Variants in DROSHA observed in about 807,000 individuals in gnomAD.
DROSHA encodes ribonuclease 3.
DROSHA carries 56 observed loss-of-function variants against 181.9 expected under a neutral mutation model. The ratio of observed to expected loss-of-function variants is 0.31; its 90% confidence interval spans 0.25 to 0.38. The LOEUF is 0.38. DROSHA is among the 10% of genes least tolerant of loss of function. The pLI is 1.00. For synonymous variants in DROSHA, 524 were observed against 591.2 expected, an observed-to-expected ratio of 0.89 and a Z score of 1.65; for missense variants, 1,218 against 1,743.5, an observed-to-expected ratio of 0.70 and a Z score of 5.37.
At chr5:31,430,789 T>A (rs1379781152) in intron 26 of DROSHA, among the ~76,000 whole-genome samples, 3 of 152,168 alleles carry the variant, frequency 2.0e-5, no homozygotes, top group African/African-American at 7.2e-5. Context: ...CTTCCCACTA[T>A]CATCAGCATG....
intron 6 of DROSHA, among the ~76,000 whole-genome samples, chr5:31,518,500 T>C (rs1739511915): frequency 6.6e-6 from 1 of 152,252 alleles, no homozygotes. Context: ...TTAATTTGTC[T>C]TTGCATTACA....
At chr5:31,503,662 G>A (rs1403500095) in intron 11 of DROSHA, among the ~76,000 whole-genome samples, 1 of 152,194 alleles carries the variant, frequency 6.6e-6, no homozygotes, top group African/African-American at 2.4e-5. Flanking sequence ...CATCACAGGT[G>A]AATAGTTCCC....
At chr5:31,463,808 A>G (rs1748700166) in intron 20 of DROSHA, among the ~76,000 whole-genome samples, 1 of 152,220 alleles carries the variant, frequency 6.6e-6, no homozygotes, top group Non-Finnish European at 1.5e-5. Flanking sequence ...GTTCTCTGCA[A>G]TATAAATTGC....
chr5:31,457,983 C>T lies in DROSHA; in HGVS notation c.2574+6253G>A, dbSNP rs145643079. On this transcript the variant is annotated intron_variant, in intron 20 of 35. Transcript: ENST00000344624. ...GTGTATCCAGTTTGTGGCATAACCACGGGATACAGAAAATTGAGTGTAAAT... is the reference window on the plus strand; with the variant it reads ...GTGTATCCAGTTTGTGGCATAACCATGGGATACAGAAAATTGAGTGTAAAT... Among the ~76,000 whole-genome samples, 224 of 152,232 alleles carry T rather than the reference C, an allele frequency of 1.5e-3. 1 individual carries two copies. Among genetic ancestry groups the T allele is most frequent in the African/African-American group, 5.2e-3 (218 of 41,524 alleles).
chr5:31,505,796 A>C (rs922859255), intron 10 of DROSHA: 1 of 152,180 alleles, frequency 6.6e-6, no homozygotes, highest in Non-Finnish European at 1.5e-5. Flanking sequence ...TAAAAGAAAA[A>C]ATATACGTAT....
At position 31,501,981 on chromosome 5, in the gene DROSHA, G is replaced by A. The variant is rs187833714; in HGVS notation, c.1668+2574C>T. Among the ~76,000 whole-genome samples the A allele has an allele frequency of 4.3e-3, 655 of 152,306 alleles. 3 individuals carry two copies. Among genetic ancestry groups the A allele is most frequent in the Non-Finnish European group, 7.4e-3 (501 of 68,014 alleles). ...CCCTACAAAGATTCAGGGGCCTGCC[G>A]CAGCCACACAATTTTTAGGAGTCCA... On this transcript the variant is annotated intron_variant, in intron 11 of 35. Transcript: ENST00000344624.
At chr5:31,430,132 G>C (rs938754120) in intron 26 of DROSHA, among the ~76,000 whole-genome samples, 2 of 152,160 alleles carry the variant, frequency 1.3e-5, no homozygotes, top group African/African-American at 2.4e-5. Flanking sequence ...ATATTTTCTT[G>C]AAATCAAATG....
intron 25 of DROSHA, among the ~76,000 whole-genome samples, chr5:31,431,882 T>A (rs1354420054): frequency 6.6e-6 from 1 of 152,154 alleles, no homozygotes; most frequent in East Asian, 1.9e-4. Flanking sequence ...CTAACTCAAT[T>A]CTTTCCCAAA....
chr5:31,531,850 G>A (rs750223534), intron 1 of DROSHA, 140 bp downstream of exon 1: 3 of 154,660 alleles, frequency 1.9e-5, no homozygotes, highest in Non-Finnish European at 4.3e-5. Flanking sequence ...TCGCTCTTTT[G>A]CCCTTAGCTG....
At chr5:31,485,792 A>C (rs1171363388) in intron 14 of DROSHA, among the ~76,000 whole-genome samples, 2 of 151,824 alleles carry the variant, frequency 1.3e-5, no homozygotes, top group Non-Finnish European at 2.9e-5. Flanking sequence ...CCCCCTCCAC[A>C]CTCCCTGCCC....
At chr5:31,452,778 A>G (rs952221754) in intron 20 of DROSHA, among the ~76,000 whole-genome samples, 1 of 152,254 alleles carries the variant, frequency 6.6e-6, no homozygotes, top group African/African-American at 2.4e-5. Context: ...TTCAGTAAGT[A>G]TATAATTGAG....
intron 3 of DROSHA, among the ~76,000 whole-genome samples, chr5:31,530,382 AG>A (rs917419940): frequency 2.0e-5 from 3 of 152,070 alleles, no homozygotes; most frequent in African/African-American, 7.2e-5. Flanking sequence ...AACAGAATCA[AG>A]TTCAACCTCT....
chr5:31,451,787 G>A (rs901387914), intron 20 of DROSHA, 147 bp from the exon 21 acceptor site: 1 of 620,514 alleles, frequency 1.6e-6, no homozygotes, highest in African/African-American at 1.9e-5. Context: ...TGGCATTCTG[G>A]AGAATCCTCT....
intron 11 of DROSHA, among the ~76,000 whole-genome samples, chr5:31,497,105 T>C (rs1019463723): frequency 1.3e-5 from 2 of 152,180 alleles, no homozygotes; most frequent in South Asian, 4.1e-4. Flanking sequence ...GGCCAAGTGA[T>C]GCGACTCTGA....
intron 20 of DROSHA, among the ~76,000 whole-genome samples, chr5:31,456,706 G>T (rs964498795): frequency 1.1e-4 from 16 of 152,102 alleles, no homozygotes; most frequent in African/African-American, 3.4e-4. Context: ...ATATCAATAA[G>T]CTCTATATAT....
At chr5:31,466,687 T>C (rs1416077311) in intron 18 of DROSHA, among the ~76,000 whole-genome samples, 1 of 152,220 alleles carries the variant, frequency 6.6e-6, no homozygotes, top group Non-Finnish European at 1.5e-5. Context: ...TTAGGGAGAC[T>C]GTCAGTTGCT....
intron 11 of DROSHA, among the ~76,000 whole-genome samples, chr5:31,499,720 T>G (rs1289441709): frequency 6.6e-6 from 1 of 152,136 alleles, no homozygotes; most frequent in Non-Finnish European, 1.5e-5. Flanking sequence ...TGTTCCCCAC[T>G]CCCAGTTTCT....
chr5:31,485,166 C>A (rs1369710620), intron 14 of DROSHA, among the ~76,000 whole-genome samples: 1 of 152,126 alleles, frequency 6.6e-6, no homozygotes, highest in Non-Finnish European at 1.5e-5. Context: ...TCCTTAATGT[C>A]AACTTAGCCC....
At chr5:31,465,290 G>A (rs953142782) in intron 19 of DROSHA, among the ~76,000 whole-genome samples, 7 of 152,090 alleles carry the variant, frequency 4.6e-5, no homozygotes, top group African/African-American at 9.7e-5. Context: ...AAACTAAAAC[G>A]TAAGTTATCC....
Sources: allele counts gnomAD v4.1 joint callset (sites outside exome capture counted in the v4.1 genomes callset), GRCh38; gene constraint gnomAD v4.1.1; transcripts MANE v1.5; gene names NCBI Gene and HGNC (gene_info 2026-07-23, HGNC 2026-07-21).